The following HECTD2 variants were observed in gnomAD, a reference collection of about 807,000 sequenced individuals.
HECTD2 encodes probable E3 ubiquitin-protein ligase HECTD2.
HECTD2 carries 35 observed loss-of-function variants against 103.2 expected under a neutral mutation model. That is an observed-to-expected ratio of 0.34 (90% CI 0.26 to 0.45). The LOEUF is 0.45. Among genes scored for constraint, HECTD2 ranks in the 20% least tolerant of loss-of-function variants. The probability of loss-of-function intolerance (pLI) is 1.00; values close to 1 mark genes in which losing one functional copy is unlikely to be tolerated. For synonymous variants in HECTD2, 281 were observed against 329.9 expected (o/e 0.85, Z 1.61); for missense variants, 596 against 937.4 (o/e 0.64, Z 4.76).
intron 12 of HECTD2, 133 bp from the exon 13 acceptor site, chr10:91,492,219 A>G (rs985600823): frequency 6.2e-6 from 5 of 807,726 alleles, no homozygotes; most frequent in Non-Finnish European, 8.2e-6. Context: ...GATTTATTGG[A>G]TAAATGGAGG....
chr10:91,485,055 C>G, intron 9 of HECTD2, 125 bp from the exon 10 acceptor site: 1 of 602,998 alleles, frequency 1.7e-6, no homozygotes, highest in Non-Finnish European at 2.7e-6. Context: ...TTTGGAGCTA[C>G]ATTTATTTAA....
chr10:91,483,405 T>C lies in HECTD2; in HGVS notation c.821+329T>C, dbSNP rs1048703213. ...ACTGGATTTGCTCAGACACTACTATTTTAATGTGTGTCTTTTTATTTTCTA... is the reference window on the plus strand; with the variant it reads ...ACTGGATTTGCTCAGACACTACTATCTTAATGTGTGTCTTTTTATTTTCTA... On this transcript the variant is annotated intron_variant, in intron 8 of 20. Coordinates refer to ENST00000298068, the MANE Select transcript of HECTD2 (RefSeq NM_182765.6). 2.6e-5 allele frequency among the ~76,000 whole-genome samples: 4 copies of C among 152,150 alleles called. No individual in the cohort carries two copies. In the East Asian group the frequency reaches 7.7e-4, roughly 29 times the overall value.
intron 13 of HECTD2, 87 bp from the exon 14 acceptor site, chr10:91,493,333 A>G: frequency 1.7e-6 from 1 of 585,616 alleles, no homozygotes; most frequent in Non-Finnish European, 2.8e-6. Flanking sequence ...TTAGCTTCTA[A>G]TAGATGAGAT....
At chr10:91,475,009 G>A (rs1845854070) in intron 5 of HECTD2, among the ~76,000 whole-genome samples, 1 of 152,210 alleles carries the variant, frequency 6.6e-6, no homozygotes, top group South Asian at 2.1e-4. Flanking sequence ...TAAGGCTTGT[G>A]AGACTAAAGC....
At position 91,461,363 on chromosome 10, in the gene HECTD2, A is replaced by G. The variant is rs1312773867; in HGVS notation, c.510+7A>G. On this transcript the variant is annotated splice_region_variant and intron_variant, in intron 4 of 20. Transcript: ENST00000298068. ...ATTAAATGCTGCATTTAAGGTAATT[A>G]TACATAAAACACACTTTTCATTTCA... 6 of 1,304,080 alleles carry G rather than the reference A, an allele frequency of 4.6e-6. No individual in the cohort carries two copies. The highest frequency in any genetic ancestry group is 3.2e-6 in the Non-Finnish European group (3 of 934,458). 80.8% of individuals were successfully genotyped at this position (1,304,080 alleles called of 1,614,324 possible). A position where few individuals can be genotyped will look rare whatever the true frequency, so the allele number is the denominator to read the frequency against.
rs1589563111 is a variant in HECTD2, at chr10:91,514,495, A to G, written c.*2111A>G. 5 of 152,790 alleles carry G rather than the reference A, an allele frequency of 3.3e-5. No individual in the cohort carries two copies. Among genetic ancestry groups the G allele is most frequent in the Admixed American group, 3.3e-4 (5 of 15,306 alleles). The allele number at this position is 152,790 out of a possible 1,614,324, so 9.5% of individuals were successfully genotyped here. ...ACTGTTACATTTTATTAATTTAAAA[A>G]GCTAGAAAATTCATGTAGTTACTTT... On this transcript the variant is annotated 3_prime_UTR_variant, in exon 21 of 21. Transcript: ENST00000298068.
At chr10:91,479,222 T>G (rs956413380) in intron 6 of HECTD2, among the ~76,000 whole-genome samples, 2 of 152,200 alleles carry the variant, frequency 1.3e-5, no homozygotes, top group African/African-American at 4.8e-5. Context: ...TCTACTGCCT[T>G]CACTTTTTAT....
chr10:91,495,970 C>A (rs1846649766), intron 14 of HECTD2, among the ~76,000 whole-genome samples: 1 of 152,074 alleles, frequency 6.6e-6, no homozygotes, highest in African/African-American at 2.4e-5. Flanking sequence ...ATAAACTTTT[C>A]TAGGGAAATC....
At chr10:91,453,835 T>C (rs1217188224) in intron 2 of HECTD2, among the ~76,000 whole-genome samples, 1 of 152,112 alleles carries the variant, frequency 6.6e-6, no homozygotes, top group African/African-American at 2.4e-5. Context: ...AGTAAATGGA[T>C]AGAGGAAGAC....
chr10:91,444,873 C>T (rs1046969345), intron 2 of HECTD2, among the ~76,000 whole-genome samples: 1 of 152,152 alleles, frequency 6.6e-6, no homozygotes, highest in African/African-American at 2.4e-5. Flanking sequence ...ATTTAGGGTT[C>T]ATTCAGCGAA....
chr10:91,419,521 C>G (rs1197004733), intron 1 of HECTD2, among the ~76,000 whole-genome samples: 1 of 152,004 alleles, frequency 6.6e-6, no homozygotes, highest in Non-Finnish European at 1.5e-5. Flanking sequence ...ACATTAGGTA[C>G]TTGTGAAATA....
At chr10:91,508,405 T>A in intron 20 of HECTD2, among the ~76,000 whole-genome samples, 1 of 151,148 alleles carries the variant, frequency 6.6e-6, no homozygotes, top group East Asian at 1.9e-4. Flanking sequence ...GAATCTACAA[T>A]GAACTCAAAA....
At chr10:91,426,685 C>A (rs2133040027) in intron 2 of HECTD2, among the ~76,000 whole-genome samples, 1 of 151,844 alleles carries the variant, frequency 6.6e-6, no homozygotes, top group Middle Eastern at 3.4e-3. Flanking sequence ...ATACTAATAT[C>A]TTCATCTCTG....
At chr10:91,431,775 ATTC>A in intron 2 of HECTD2, among the ~76,000 whole-genome samples, 1 of 151,910 alleles carries the variant, frequency 6.6e-6, no homozygotes, top group East Asian at 1.9e-4. Context: ...CTAGTTATAT[ATTC>A]TTCTAAAATT....
intron 4 of HECTD2, among the ~76,000 whole-genome samples, chr10:91,461,733 G>C (rs987919051): frequency 1.3e-5 from 2 of 151,928 alleles, no homozygotes; most frequent in African/African-American, 4.8e-5. Flanking sequence ...ATTTTTAGTA[G>C]AAACAGGGTT....
At chr10:91,440,365 G>C (rs1212633889) in intron 2 of HECTD2, among the ~76,000 whole-genome samples, 2 of 152,064 alleles carry the variant, frequency 1.3e-5, no homozygotes, top group Non-Finnish European at 2.9e-5. Flanking sequence ...TTCTTTTTAA[G>C]TGATAGGTTA....
At position 91,429,417 on chromosome 10, in the gene HECTD2, CT is replaced by C. The variant is rs1280205658; in HGVS notation, c.268+4012del. Among the ~76,000 whole-genome samples the C allele has an allele frequency of 5.3e-5, 8 of 152,088 alleles. No homozygotes were observed. The East Asian group carries it at 1.5e-3, about 29-fold the overall frequency. The stretch of plus-strand genomic sequence containing the variant: ...TAAAATGAGTTAGGGAGGATTCCCT[CT>C]TTTTCTATTCATTGGAATAGTTTCA... On this transcript the variant is annotated intron_variant, in intron 2 of 20. Transcript: ENST00000298068.
At chr10:91,421,162 A>G (rs562114804) in intron 1 of HECTD2, among the ~76,000 whole-genome samples, 32 of 152,124 alleles carry the variant, frequency 2.1e-4, no homozygotes, top group African/African-American at 7.5e-4. Context: ...ATTACCCTAA[A>G]TCTGTTACCT....
intron 5 of HECTD2, among the ~76,000 whole-genome samples, chr10:91,464,201 A>G (rs1376826529): frequency 6.6e-6 from 1 of 152,224 alleles, no homozygotes; most frequent in East Asian, 1.9e-4. Flanking sequence ...CATACAAAAC[A>G]TCTTAATCTA....
Sources: allele counts gnomAD v4.1 joint callset (sites outside exome capture counted in the v4.1 genomes callset), GRCh38; gene constraint gnomAD v4.1.1; transcripts MANE v1.5; gene names NCBI Gene and HGNC (gene_info 2026-07-23, HGNC 2026-07-21).